MYRF: variants seen among roughly 807,000 people sequenced by gnomAD.
MYRF encodes myelin regulatory factor, also known as myelin gene regulatory factor.
In MYRF, 16 loss-of-function variants were observed where a neutral mutation model predicts 126.3. That is an observed-to-expected ratio of 0.13 (90% CI 0.09 to 0.19). MYRF has a LOEUF of 0.19. Ranked by LOEUF, MYRF falls within the 10% of genes least tolerant of loss-of-function variation. The probability of loss-of-function intolerance (pLI) is 1.00; values close to 1 mark genes in which losing one functional copy is unlikely to be tolerated. For synonymous variants in MYRF, 608 were observed against 635.3 expected (o/e 0.96, Z 0.65); for missense variants, 1,104 against 1,547.0 (o/e 0.71, Z 4.80).
Position 61,781,694 on chromosome 11 carries a change from A to G in MYRF, c.2886A>G (p.Ala962=), listed in dbSNP as rs2066553646. 6.2e-7 allele frequency: 1 copy of G among 1,613,480 alleles called. No individual in the cohort carries two copies. Among genetic ancestry groups the G allele is most frequent in the Non-Finnish European group, 8.5e-7 (1 of 1,180,032 alleles). Residue 962 remains alanine, a synonymous_variant, in exon 22 of 27, where the codon GCA becomes GCG. Transcript: ENST00000278836. ...HKSLEPLASP[A]VPFPGGQGKA... ...GTCTGGAGCCTCTGGCCAGCCCTGCAGTCCCCTTCCCTGGGGGGCAGGGCA... is the reference window on the plus strand; with the variant it reads ...GTCTGGAGCCTCTGGCCAGCCCTGCGGTCCCCTTCCCTGGGGGGCAGGGCA...
Position 61,780,948 on chromosome 11 carries a change from C to A in MYRF, c.2487-12C>A, listed in dbSNP as rs2066524604. On this transcript the variant is annotated splice_polypyrimidine_tract_variant and intron_variant, in intron 19 of 26. Coordinates refer to ENST00000278836, the MANE Select transcript of MYRF (RefSeq NM_001127392.3). The stretch of plus-strand genomic sequence containing the variant: ...CCAGCCCCTCTGAGCTCAGCCCATC[C>A]TTCCCCAGCAGGTCCAGCCAGAGCT... 2 of 1,609,258 alleles carry A rather than the reference C, an allele frequency of 1.2e-6. No individual in the cohort carries two copies. The highest frequency in any genetic ancestry group is 4.5e-5 in the East Asian group (2 of 44,874).
Position 61,771,844 on chromosome 11 carries a change from G to C in MYRF, c.1007G>C (p.Ser336Thr). 1 of 1,614,156 alleles carries C rather than the reference G, an allele frequency of 6.2e-7. No individual in the cohort carries two copies. The highest frequency in any genetic ancestry group is 8.5e-7 in the Non-Finnish European group (1 of 1,180,014). Reference protein sequence around the residue: ...GAPSPGLLQDSDSLSGSYLDP... With the variant: ...GAPSPGLLQDTDSLSGSYLDP... ...CTCCCTCCAGGCCTCCTGCAGGACA[G>C]TGACAGCCTCAGTGGCTCCTACCTG... Residue 336 changes from serine to threonine, a missense_variant, in exon 7 of 27, where the codon AGT becomes ACT. Transcript: ENST00000278836.
rs1299495645 is a variant in MYRF, at chr11:61,757,543, G to A, written c.46+4753G>A. ...CAGTGCCCCTAAGCTTAGGGGGCTT[G>A]TTGAGCATGTTCTGTGGTTCTGTGT... On this transcript the variant is annotated intron_variant, in intron 1 of 26. Transcript: ENST00000278836. This position sits in a 1 kb window ranked among gnomAD's most constrained non-coding sequence, Gnocchi z 4.7. 4.4e-6 allele frequency: 2 copies of A among 456,474 alleles called. No individual in the cohort carries two copies. Among genetic ancestry groups the A allele is most frequent in the Non-Finnish European group, 8.8e-6 (2 of 226,928 alleles). 28.3% of individuals were successfully genotyped at this position (456,474 alleles called of 1,614,324 possible). A position where few individuals can be genotyped will look rare whatever the true frequency, so the allele number is the denominator to read the frequency against.
At chr11:61,771,977 C>G in intron 7 of MYRF, 25 bp downstream of exon 7, 1 of 1,612,466 alleles carries the variant, frequency 6.2e-7, no homozygotes, top group Non-Finnish European at 8.5e-7. Context: ...ACACTCCCCA[C>G]TCCTCCAGGC....
At chr11:61,770,691 C>G (rs1211767567) in intron 5 of MYRF, among the ~76,000 whole-genome samples, 166 bp downstream of exon 5, 1 of 152,100 alleles carries the variant, frequency 6.6e-6, no homozygotes, top group Admixed American at 6.5e-5. Context: ...ACATGTTTAC[C>G]CAGCAATACC....
rs1441723558 is a variant in MYRF, at chr11:61,786,792, C to G, written c.*649C>G. ...GGCTCCCAAGAAGTCCCAGGGCAGC[C>G]GAGGCCAGCCCTGCCTGGGTTGGAG... On this transcript the variant is annotated 3_prime_UTR_variant, in exon 27 of 27. Coordinates refer to ENST00000278836, the MANE Select transcript of MYRF (RefSeq NM_001127392.3). The surrounding 1 kb of genome is among the most constrained non-coding windows in gnomAD (Gnocchi z 4.5). 6.5e-6 allele frequency: 1 copy of G among 153,074 alleles called. No individual in the cohort carries two copies. Among genetic ancestry groups the G allele is most frequent in the Non-Finnish European group, 1.5e-5 (1 of 68,338 alleles). 9.5% of individuals were successfully genotyped at this position (153,074 alleles called of 1,614,324 possible).
chr11:61,775,345 T>C (rs2135822666), intron 8 of MYRF, among the ~76,000 whole-genome samples: 1 of 152,254 alleles, frequency 6.6e-6, no homozygotes. Flanking sequence ...CTCCACCCTG[T>C]GGCTCCCTTT....
At chr11:61,765,864 C>T (rs1460489351) in intron 2 of MYRF, 94 bp from the exon 3 acceptor site, 13 of 1,456,558 alleles carry the variant, frequency 8.9e-6, no homozygotes, top group South Asian at 5.5e-5. Flanking sequence ...CTGACTCCTC[C>T]GAAATCTCCA....
Position 61,766,170 on chromosome 11 carries a change from G to A in MYRF, c.347G>A (p.Gly116Glu). The change falls in exon 3 of 27, where the codon GGG becomes GAG. Residue 116 changes from glycine (G) to glutamate (E), a missense_variant. Physicochemically the swap from Gly to Glu is moderately conservative, Grantham distance 98 (BLOSUM62 -2). Transcript: ENST00000278836. ...GGCGCTGCCCCCAAGCCCTTCCCGG[G>A]GGGCACCGGGCCCCCCATCAAGGCT... ...GMGAAPKPFP[G>E]GTGPPIKAEP... 1.2e-6 allele frequency: 2 copies of A among 1,612,012 alleles called. No homozygotes were observed. The highest frequency in any genetic ancestry group is 1.7e-6 in the Non-Finnish European group (2 of 1,179,786).
In MYRF at chr11:61,777,158, C is replaced by A. The variant is rs2066406843; in HGVS notation, c.1591-106C>A. 4 of 1,237,162 alleles carry A rather than the reference C, an allele frequency of 3.2e-6. No homozygotes were observed. The highest frequency in any genetic ancestry group is 4.5e-6 in the Non-Finnish European group (4 of 883,182). The allele number at this position is 1,237,162 out of a possible 1,614,324, so 76.6% of individuals were successfully genotyped here. On this transcript the variant is annotated intron_variant, in intron 11 of 26. Coordinates refer to ENST00000278836, the MANE Select transcript of MYRF (RefSeq NM_001127392.3). This position sits in a 1 kb window ranked among gnomAD's most constrained non-coding sequence, Gnocchi z 8.8. ...AAGTTGGGCTTGGTGCAGTGAGAAA[C>A]CCTGGCTGGAAGGGGAGGGGCTGCT... is the stretch of plus-strand genomic sequence containing the variant.
At chr11:61,760,469 C>T (rs533392380) in intron 1 of MYRF, among the ~76,000 whole-genome samples, 42 of 152,210 alleles carry the variant, frequency 2.8e-4, no homozygotes, top group African/African-American at 4.3e-4. Context: ...GGCCGAGGCC[C>T]GGAGGCTGGA....
In MYRF at chr11:61,776,590, A is replaced by G. The variant is rs1294231275; in HGVS notation, c.1499+158A>G. ...CCTTCATTGACTTAAGGATGGGAAG[A>G]GCAGAAGCCTGGCTTCTGGGTTGAG... On this transcript the variant is annotated intron_variant, in intron 10 of 26. Coordinates refer to ENST00000278836, the MANE Select transcript of MYRF (RefSeq NM_001127392.3). The surrounding 1 kb of genome is among the most constrained non-coding windows in gnomAD (Gnocchi z 4.3). Among the ~76,000 whole-genome samples the G allele has an allele frequency of 6.6e-6, 1 of 152,090 alleles. No homozygotes were observed. The highest frequency in any genetic ancestry group is 1.5e-5 in the Non-Finnish European group (1 of 68,022).
chr11:61,786,157 G>A lies in MYRF; in HGVS notation c.*14G>A, dbSNP rs770303577. ...CTGTGTGACTGAGCTGCCCTCCTGAGGCAGCACCACACCAGGGACCAGGGG... is the reference window on the plus strand; with the variant it reads ...CTGTGTGACTGAGCTGCCCTCCTGAAGCAGCACCACACCAGGGACCAGGGG... On this transcript the variant is annotated 3_prime_UTR_variant, in exon 27 of 27. Coordinates refer to ENST00000278836, the MANE Select transcript of MYRF (RefSeq NM_001127392.3). This position sits in a 1 kb window ranked among gnomAD's most constrained non-coding sequence, Gnocchi z 4.5. 6.2e-7 allele frequency: 1 copy of A among 1,613,798 alleles called. No homozygotes were observed. The highest frequency in any genetic ancestry group is 8.5e-7 in the Non-Finnish European group (1 of 1,179,692).
chr11:61,756,048 G>T (rs2065742447), intron 1 of MYRF, among the ~76,000 whole-genome samples: 1 of 152,188 alleles, frequency 6.6e-6, no homozygotes, highest in Non-Finnish European at 1.5e-5. Context: ...CAGAGCAGGG[G>T]CTTCCAATGT....
chr11:61,768,508 G>A (rs1283364301), intron 3 of MYRF: 2 of 152,292 alleles, frequency 1.3e-5, no homozygotes, highest in African/African-American at 4.8e-5. Flanking sequence ...GGCCCCGAAG[G>A]TGGGTGGGTG....
chr11:61,786,017 C>T lies in MYRF; in HGVS notation c.3376-46C>T. On this transcript the variant is annotated intron_variant, in intron 26 of 26. Transcript: ENST00000278836. The surrounding 1 kb of genome is among the most constrained non-coding windows in gnomAD (Gnocchi z 4.5). ...ATGTCAGCAGGGAGTGCCATCTGCC[C>T]CGCACCCCCAGAGCCACCTCACCTT... 6.3e-7 allele frequency: 1 copy of T among 1,594,360 alleles called. No individual in the cohort carries two copies. Among genetic ancestry groups the T allele is most frequent in the Non-Finnish European group, 8.6e-7 (1 of 1,162,104 alleles).
At chr11:61,765,774 C>T in intron 2 of MYRF, 62 bp downstream of exon 2, 1 of 1,529,850 alleles carries the variant, frequency 6.5e-7, no homozygotes, top group Admixed American at 1.8e-5. Flanking sequence ...TCCCTTCTGT[C>T]ACCAGGGAGG....
Position 61,770,415 on chromosome 11 carries a change from GC to G in MYRF, c.635del (p.Pro212ArgfsTer60). On this transcript the variant is annotated frameshift_variant, in exon 5 of 27. Transcript: ENST00000278836. LOFTEE classifies it high-confidence loss of function. ...AGCGGGATCTGTACATGAAGGCCGA[GC>G]CCCCGATCCCCCACTACGCTGCCAT... ...LQRDLYMKAE[P>X]PIPHYAAMGQ... 6.5e-7 allele frequency: 1 copy of G among 1,545,678 alleles called. No homozygotes were observed. The highest frequency in any genetic ancestry group is 8.7e-7 in the Non-Finnish European group (1 of 1,143,940).
chr11:61,780,892 G>A, intron 19 of MYRF, 68 bp from the exon 20 acceptor site: 1 of 1,594,906 alleles, frequency 6.3e-7, no homozygotes. Context: ...TGCCTCTCCA[G>A]GACTGTCAGG....
Sources: allele counts gnomAD v4.1 joint callset (sites outside exome capture counted in the v4.1 genomes callset), GRCh38; gene constraint gnomAD v4.1.1; non-coding constraint Gnocchi (gnomAD v3.1); transcripts MANE v1.5; gene names NCBI Gene and HGNC (gene_info 2026-07-23, HGNC 2026-07-21).